The following CAMTA1 variants were observed in gnomAD, a reference collection of about 807,000 sequenced individuals.
The protein encoded by CAMTA1 is calmodulin binding transcription activator 1.
A neutral mutation model predicts 170.9 loss-of-function variants in CAMTA1; 27 were observed. That is an observed-to-expected ratio of 0.16 (90% CI 0.12 to 0.22). CAMTA1 has a LOEUF of 0.22. CAMTA1 is among the 10% of genes least tolerant of loss of function. The pLI is 1.00. For synonymous variants in CAMTA1, 833 were observed against 891.5 expected, an observed-to-expected ratio of 0.93 and a Z score of 1.17; for missense variants, 1,619 against 2,217.2, an observed-to-expected ratio of 0.73 and a Z score of 5.42.
At position 7,092,725 on chromosome 1, in the gene CAMTA1, A is replaced by G. The variant is rs1641636216; in HGVS notation, c.302+1354A>G. Among the ~76,000 whole-genome samples, 1 of 152,112 alleles carries G rather than the reference A, an allele frequency of 6.6e-6. No homozygotes were observed. The highest frequency in any genetic ancestry group is 1.5e-5 in the Non-Finnish European group (1 of 68,038). ...TAGTGACTTTAAACAACAAATCTTT[A>G]TTTTCTGCTCATGGGTCTGTGGGCT... On this transcript the variant is annotated intron_variant, in intron 4 of 22. Coordinates refer to ENST00000303635, the MANE Select transcript of CAMTA1 (RefSeq NM_015215.4). This position sits in a 1 kb window ranked among gnomAD's most constrained non-coding sequence, Gnocchi z 5.0.
Position 7,640,467 on chromosome 1 carries a change from G to T in CAMTA1, c.578G>T (p.Gly193Val). The change falls in exon 7 of 23, where the codon GGC becomes GTC. Residue 193 changes from glycine to valine, a missense_variant. Coordinates refer to ENST00000303635, the MANE Select transcript of CAMTA1 (RefSeq NM_015215.4). Reference sequence around the variant, plus strand: ...ATCGAGGACTGCGGCAAGCCTTGCGGCCCCATCCTCTGCTCCATCAACACC... The same window carrying T: ...ATCGAGGACTGCGGCAAGCCTTGCGTCCCCATCCTCTGCTCCATCAACACC... ...PAIEDCGKPC[G>V]PILCSINTDK... is the part of the protein sequence containing the mutation. The T allele has an allele frequency of 6.2e-7, 1 of 1,614,196 alleles. No homozygotes were observed. The highest frequency in any genetic ancestry group is 8.5e-7 in the Non-Finnish European group (1 of 1,180,050).
intron 15 of CAMTA1, 103 bp from the exon 16 acceptor site, chr1:7,737,856 C>T (rs1406343219): frequency 2.1e-5 from 26 of 1,240,190 alleles, no homozygotes; most frequent in African/African-American, 1.5e-4. Context: ...TCTTGAGTTC[C>T]GGCTTTGCAC....
At chr1:7,526,598 G>T (rs1725225) in intron 6 of CAMTA1, among the ~76,000 whole-genome samples, 88,293 of 152,124 alleles carry the variant, frequency 0.58, 26,415 homozygotes, top group Non-Finnish European at 0.63. Context: ...ATCCAAGGGT[G>T]AGGGACAAAG....
intron 4 of CAMTA1, among the ~76,000 whole-genome samples, chr1:7,189,253 C>T (rs1654060051): frequency 6.6e-6 from 1 of 152,086 alleles, no homozygotes; most frequent in Non-Finnish European, 1.5e-5. Context: ...ATAATGTATG[C>T]CACACAGAGA....
chr1:7,105,206 T>G (rs1157130572), intron 4 of CAMTA1, among the ~76,000 whole-genome samples: 1 of 152,264 alleles, frequency 6.6e-6, no homozygotes, highest in African/African-American at 2.4e-5. Flanking sequence ...ATTCATAACT[T>G]ATTTTATTAA....
intron 5 of CAMTA1, among the ~76,000 whole-genome samples, chr1:7,395,896 A>G (rs918017932): frequency 2.0e-5 from 3 of 152,136 alleles, no homozygotes; most frequent in Non-Finnish European, 4.4e-5. Context: ...GCATATAAAA[A>G]AACCTCCTGA....
chr1:7,706,802 G>A (rs2096529055), intron 11 of CAMTA1, among the ~76,000 whole-genome samples: 1 of 151,740 alleles, frequency 6.6e-6, no homozygotes, highest in Non-Finnish European at 1.5e-5. Context: ...AGTATTTCAT[G>A]TACTCGTTAA....
intron 6 of CAMTA1, among the ~76,000 whole-genome samples, chr1:7,474,401 G>A (rs1321999778): frequency 6.6e-6 from 1 of 150,884 alleles, no homozygotes; most frequent in Non-Finnish European, 1.5e-5. Context: ...ACAGCAGCAT[G>A]GAATACAGAG....
At chr1:7,258,951 G>A (rs1667793541) in intron 5 of CAMTA1, among the ~76,000 whole-genome samples, 3 of 152,262 alleles carry the variant, frequency 2.0e-5, no homozygotes, top group African/African-American at 4.8e-5. Flanking sequence ...CTTCCCACAC[G>A]CCGGGGCAAA....
chr1:7,591,335 A>G (rs374763812), intron 6 of CAMTA1, among the ~76,000 whole-genome samples: 34 of 152,354 alleles, frequency 2.2e-4, no homozygotes, highest in African/African-American at 7.9e-4. Context: ...GCTGCTAATG[A>G]TTTCAGACCA....
intron 7 of CAMTA1, among the ~76,000 whole-genome samples, chr1:7,652,604 A>G (rs1329520240): frequency 6.6e-6 from 1 of 152,156 alleles, no homozygotes; most frequent in Non-Finnish European, 1.5e-5. Flanking sequence ...GCTTGGGATG[A>G]CAGCATGTGG....
rs1409988821 is a variant in CAMTA1 at position 7,166,076 on chromosome 1, T to TC, written c.302+74705_302+74706insC. Among the ~76,000 whole-genome samples the TC allele has an allele frequency of 5.3e-5, 8 of 152,126 alleles. No homozygotes were observed. The East Asian group carries it at 1.2e-3, about 22-fold the overall frequency. On this transcript the variant is annotated intron_variant, in intron 4 of 22. Coordinates refer to ENST00000303635, the MANE Select transcript of CAMTA1 (RefSeq NM_015215.4). ...GGTGTGTTTACTTGGATACTCTCTT[T>TC]TTTTTTTTGAGATGGGGTCTCGCTC...
intron 3 of CAMTA1, among the ~76,000 whole-genome samples, chr1:6,976,048 A>G (rs1051717365): frequency 1.3e-5 from 2 of 152,190 alleles, no homozygotes; most frequent in Non-Finnish European, 2.9e-5. Flanking sequence ...TTGAATGCTC[A>G]CTCGAGCCAG....
chr1:7,331,993 C>G (rs2083063091), intron 5 of CAMTA1, among the ~76,000 whole-genome samples: 1 of 152,166 alleles, frequency 6.6e-6, no homozygotes, highest in African/African-American at 2.4e-5. Flanking sequence ...GATTGGCTTC[C>G]CCCACAACAT....
At chr1:7,720,829 C>G (rs187612793) in intron 11 of CAMTA1, among the ~76,000 whole-genome samples, 2 of 152,318 alleles carry the variant, frequency 1.3e-5, no homozygotes, top group East Asian at 3.9e-4. Flanking sequence ...CTTCCCTGAG[C>G]TTAAAGCAGA....
intron 6 of CAMTA1, among the ~76,000 whole-genome samples, chr1:7,522,545 G>A (rs2094379466): frequency 6.6e-6 from 1 of 152,098 alleles, no homozygotes; most frequent in Admixed American, 6.6e-5. Context: ...ATGCTTTTAG[G>A]ACTAAGTTGC....
Position 7,661,551 on chromosome 1 carries a change from G to A in CAMTA1, c.665-175G>A, listed in dbSNP as rs948630882. On this transcript the variant is annotated intron_variant, in intron 7 of 22. Coordinates refer to ENST00000303635, the MANE Select transcript of CAMTA1 (RefSeq NM_015215.4). ...GATGGGAGCAGGGGGTCTGGCGGGG[G>A]CAGCCTGGCCTCCCTTCCCCTCCTC... Among the ~76,000 whole-genome samples the A allele has an allele frequency of 2.6e-5, 4 of 152,150 alleles. No individual in the cohort carries two copies. The East Asian group carries it at 5.8e-4, about 22-fold the overall frequency.
chr1:7,613,685 C>G (rs947060232), intron 6 of CAMTA1, among the ~76,000 whole-genome samples: 1 of 151,464 alleles, frequency 6.6e-6, no homozygotes, highest in African/African-American at 2.4e-5. Context: ...CCAGATGAAT[C>G]ACACACTGCA....
intron 4 of CAMTA1, among the ~76,000 whole-genome samples, chr1:7,212,909 G>A (rs1253464418): frequency 1.3e-5 from 2 of 152,112 alleles, no homozygotes; most frequent in Non-Finnish European, 2.9e-5. Flanking sequence ...TAATTGTCTC[G>A]CGATTCATCT....
Sources: allele counts gnomAD v4.1 joint callset (sites outside exome capture counted in the v4.1 genomes callset), GRCh38; gene constraint gnomAD v4.1.1; non-coding constraint Gnocchi (gnomAD v3.1); transcripts MANE v1.5; gene names NCBI Gene and HGNC (gene_info 2026-07-23, HGNC 2026-07-21).